Variants in IFT81 observed in about 807,000 individuals in gnomAD.
The protein encoded by IFT81 is intraflagellar transport 81.
Under a neutral mutation model 102.6 loss-of-function variants are expected in IFT81, and 72 were observed. The observed-to-expected ratio is 0.70, with a 90% CI of 0.58 to 0.85. IFT81 has a LOEUF of 0.85. Ranked by LOEUF, IFT81 falls within the 40% of genes least tolerant of loss-of-function variation. The probability of loss-of-function intolerance (pLI) is 0.00; values close to 1 mark genes in which losing one functional copy is unlikely to be tolerated. For synonymous variants in IFT81, 237 were observed against 242.7 expected (o/e 0.98, Z 0.22); for missense variants, 723 against 787.3 (o/e 0.92, Z 0.98).
chr12:110,200,976 A>G (rs1898236305), intron 14 of IFT81, among the ~76,000 whole-genome samples: 1 of 152,032 alleles, frequency 6.6e-6, no homozygotes, highest in Non-Finnish European at 1.5e-5. Context: ...AACTTTTCTT[A>G]CTTTATAAAC....
At chr12:110,213,358 G>C (rs1345480949) in intron 18 of IFT81, among the ~76,000 whole-genome samples, 2 of 151,996 alleles carry the variant, frequency 1.3e-5, no homozygotes, top group Non-Finnish European at 2.9e-5. Context: ...GTAACCCTTT[G>C]GTGTCAATTA....
chr12:110,153,180 A>C (rs1208912444), intron 10 of IFT81, among the ~76,000 whole-genome samples: 7 of 152,200 alleles, frequency 4.6e-5, no homozygotes, highest in Non-Finnish European at 8.8e-5. Flanking sequence ...TTAGGAAGTT[A>C]TGCTACTCTT....
At chr12:110,157,976 A>G (rs1895935316) in intron 10 of IFT81, among the ~76,000 whole-genome samples, 1 of 152,198 alleles carries the variant, frequency 6.6e-6, no homozygotes, top group Non-Finnish European at 1.5e-5. Context: ...TCTTTAAGAC[A>G]GTAGTTTTAA....
At chr12:110,149,773 C>T (rs1037693099) in intron 10 of IFT81, among the ~76,000 whole-genome samples, 3 of 152,126 alleles carry the variant, frequency 2.0e-5, no homozygotes, top group East Asian at 1.9e-4. Context: ...CAGTGCCTGT[C>T]GGTGTCTCTA....
At chr12:110,162,062 A>G (rs755099032) in intron 10 of IFT81, among the ~76,000 whole-genome samples, 9 of 152,204 alleles carry the variant, frequency 5.9e-5, no homozygotes, top group Non-Finnish European at 1.3e-4. Context: ...AATTCTGGTG[A>G]GTCAGATGTT....
rs752680901 is a variant in IFT81 at position 110,203,904 on chromosome 12, A to T, written c.1598A>T (p.Asp533Val). The T allele has an allele frequency of 1.2e-6, 2 of 1,613,764 alleles. No homozygotes were observed. The highest frequency in any genetic ancestry group is 1.7e-6 in the Non-Finnish European group (2 of 1,179,668). Reference protein sequence around the residue: ...QECDEKKSQYDSCAAGLESNR... With the variant: ...QECDEKKSQYVSCAAGLESNR... ...TGTGATGAAAAGAAATCCCAGTATG[A>T]TAGCTGTGCAGCAGGCCTCGAAAGC... Residue 533 changes from aspartate (D) to valine (V), a missense_variant, in exon 15 of 19, where the codon GAT becomes GTT. By Grantham distance (152) the Asp-to-Val change is radical. Coordinates refer to ENST00000242591, the MANE Select transcript of IFT81 (RefSeq NM_014055.4).
intron 12 of IFT81, among the ~76,000 whole-genome samples, chr12:110,182,746 G>T (rs1395625822): frequency 6.6e-6 from 1 of 152,136 alleles, no homozygotes; most frequent in African/African-American, 2.4e-5. Flanking sequence ...GCCTCTTAAT[G>T]TGCCTTCTGA....
At chr12:110,140,115 T>A (rs779682466) in intron 8 of IFT81, among the ~76,000 whole-genome samples, 57 of 152,100 alleles carry the variant, frequency 3.7e-4, no homozygotes, top group African/African-American at 5.3e-4. Context: ...TTTTTTTTTT[T>A]AATTTTACTT....
At chr12:110,189,977 T>G (rs1015556487) in intron 12 of IFT81, among the ~76,000 whole-genome samples, 2 of 152,212 alleles carry the variant, frequency 1.3e-5, no homozygotes, top group African/African-American at 4.8e-5. Flanking sequence ...GCTACCATTT[T>G]CTTTAACTTG....
chr12:110,189,277 A>G (rs561545069), intron 12 of IFT81, among the ~76,000 whole-genome samples: 42 of 152,186 alleles, frequency 2.8e-4, no homozygotes, highest in African/African-American at 1.0e-3. Flanking sequence ...ATATTGTGAC[A>G]ACTCACCAAT....
intron 11 of IFT81, among the ~76,000 whole-genome samples, chr12:110,172,940 G>A (rs1316087641): frequency 8.2e-4 from 113 of 137,820 alleles, no homozygotes; most frequent in African/African-American, 3.0e-3. Context: ...CCGGGAGGGA[G>A]GTGGGGGTCA....
chr12:110,209,679 G>A (rs1361348633), intron 18 of IFT81, among the ~76,000 whole-genome samples: 1 of 149,438 alleles, frequency 6.7e-6, no homozygotes, highest in Non-Finnish European at 1.5e-5. Flanking sequence ...TGAGGCAGGA[G>A]AATCACTTGA....
Position 110,147,044 on chromosome 12 carries a change from A to G in IFT81, c.1037A>G (p.Gln346Arg). ...GAAGGCAAACTCTCACTGTATAGGC[A>G]ACAGGTAAGAACATTCTTTTGGCTC... The part of the protein sequence containing the change: ...PIEGKLSLYR[Q>R]QASIISRKKE... The change falls in exon 10 of 19, where the codon CAA (glutamine) becomes CGA (arginine). Residue 346 changes from glutamine (Q) to arginine (R), a missense_variant. Physicochemically the swap from Gln to Arg is conservative, Grantham distance 43 (BLOSUM62 1). Coordinates refer to ENST00000242591, the MANE Select transcript of IFT81 (RefSeq NM_014055.4). 6.3e-7 allele frequency: 1 copy of G among 1,591,718 alleles called. No homozygotes were observed. The highest frequency in any genetic ancestry group is 2.2e-5 in the East Asian group (1 of 44,692).
chr12:110,174,182 G>C (rs1896926040), intron 11 of IFT81, among the ~76,000 whole-genome samples: 1 of 150,402 alleles, frequency 6.6e-6, no homozygotes, highest in Non-Finnish European at 1.5e-5. Flanking sequence ...GGAGGCTGAG[G>C]CAGGAGAATG....
chr12:110,126,592 A>G (rs912201155), intron 1 of IFT81, among the ~76,000 whole-genome samples: 10 of 152,206 alleles, frequency 6.6e-5, no homozygotes, highest in African/African-American at 2.2e-4. Flanking sequence ...AGGGGTAGAA[A>G]GATGACAATT....
At chr12:110,146,334 A>G (rs1240751058) in intron 9 of IFT81, among the ~76,000 whole-genome samples, 1 of 152,202 alleles carries the variant, frequency 6.6e-6, no homozygotes, top group Non-Finnish European at 1.5e-5. Flanking sequence ...TTAGCACAGG[A>G]AGGGTGTTAT....
At chr12:110,158,690 C>T (rs950270369) in intron 10 of IFT81, among the ~76,000 whole-genome samples, 13 of 151,970 alleles carry the variant, frequency 8.6e-5, no homozygotes, top group South Asian at 2.1e-4. Flanking sequence ...CCCAGGTTCA[C>T]GCCATTCTCC....
intron 11 of IFT81, among the ~76,000 whole-genome samples, chr12:110,165,060 G>T (rs1896360135): frequency 6.6e-6 from 1 of 151,812 alleles, no homozygotes; most frequent in Non-Finnish European, 1.5e-5. Flanking sequence ...AGAAATCATG[G>T]TGAATAGGAG....
In IFT81 at chr12:110,164,422, A is replaced by T. The variant is rs1183387947; in HGVS notation, c.1188+1357A>T. 3.3e-5 allele frequency among the ~76,000 whole-genome samples: 5 copies of T among 152,294 alleles called. No homozygotes were observed. In the South Asian group the frequency reaches 8.3e-4, roughly 25 times the overall value. On this transcript the variant is annotated intron_variant, in intron 11 of 18. Transcript: ENST00000242591. ...AGCAATAGGTCATATTTTAATTTGTAAACATTGCTTGGACTTTACCAATTT... is the reference window on the plus strand; with the variant it reads ...AGCAATAGGTCATATTTTAATTTGTTAACATTGCTTGGACTTTACCAATTT...
Sources: allele counts gnomAD v4.1 joint callset (sites outside exome capture counted in the v4.1 genomes callset), GRCh38; gene constraint gnomAD v4.1.1; transcripts MANE v1.5; gene names NCBI Gene and HGNC (gene_info 2026-07-23, HGNC 2026-07-21).